The following PI4KB variants were observed in gnomAD, a reference collection of about 807,000 sequenced individuals.
PI4KB encodes PtdIns 4-kinase beta.
Under a neutral mutation model 81.4 loss-of-function variants are expected in PI4KB, and 23 were observed. That is an observed-to-expected ratio of 0.28 (90% CI 0.20 to 0.40). PI4KB has a LOEUF of 0.40. Among genes scored for constraint, PI4KB ranks in the 10% least tolerant of loss-of-function variants. The probability of loss-of-function intolerance (pLI) is 1.00; values close to 1 mark genes in which losing one functional copy is unlikely to be tolerated. For synonymous variants in PI4KB, 381 were observed against 406.8 expected (o/e 0.94, Z 0.76); for missense variants, 651 against 1,036.6 (o/e 0.63, Z 5.11).
At position 151,303,529 on chromosome 1, in the gene PI4KB, A is replaced by T. The variant is rs767419989; in HGVS notation, c.1520+12T>A. ...GGGATGAAAAATGAGGGGCAATGTG[A>T]TCTGGCCATACCGGATGTCCCCTGC... On this transcript the variant is annotated intron_variant, in intron 6 of 11. Coordinates refer to ENST00000368873, the MANE Select transcript of PI4KB (RefSeq NM_001369623.2). The T allele has an allele frequency of 1.3e-6, 2 of 1,526,972 alleles. No homozygotes were observed. The highest frequency in any genetic ancestry group is 9.1e-7 in the Non-Finnish European group (1 of 1,100,562). The allele number at this position is 1,526,972 out of a possible 1,614,324, so 94.6% of individuals were successfully genotyped here.
At chr1:151,296,861 C>T (rs1244876337) in intron 9 of PI4KB, among the ~76,000 whole-genome samples, 3 of 151,880 alleles carry the variant, frequency 2.0e-5, no homozygotes, top group African/African-American at 7.3e-5. Context: ...CTGCAACCTC[C>T]ACCTCCCGGG....
At chr1:151,315,303 GAC>G (rs587691414) in intron 2 of PI4KB, among the ~76,000 whole-genome samples, 247 of 152,270 alleles carry the variant, frequency 1.6e-3, no homozygotes, top group African/African-American at 5.8e-3. Flanking sequence ...AATGATTTGG[GAC>G]ACAGTCAGGA....
intron 2 of PI4KB, among the ~76,000 whole-genome samples, chr1:151,315,169 G>C (rs1450076878): frequency 6.6e-6 from 1 of 151,976 alleles, no homozygotes; most frequent in Non-Finnish European, 1.5e-5. Context: ...AGTAGAGATG[G>C]GATTTTGCCA....
intron 6 of PI4KB, among the ~76,000 whole-genome samples, chr1:151,302,827 C>T (rs1355835478): frequency 6.6e-6 from 1 of 151,524 alleles, no homozygotes. Context: ...TTATGATCTA[C>T]CCGCCTCAGC....
rs1036264331 is a variant in PI4KB at position 151,298,616 on chromosome 1, C to T, written c.2015+192G>A. 1.0e-5 allele frequency: 7 copies of T among 677,968 alleles called. No homozygotes were observed. The African/African-American group carries it at 1.3e-4, about 12-fold the overall frequency. The allele number at this position is 677,968 out of a possible 1,614,324, so 42.0% of individuals were successfully genotyped here. ...CCCATAAATCCTTCATTTCTTTGCCCTTTTACCCTAGTTCTTATTAGTCTG... is the reference window on the plus strand; with the variant it reads ...CCCATAAATCCTTCATTTCTTTGCCTTTTTACCCTAGTTCTTATTAGTCTG... On this transcript the variant is annotated intron_variant, in intron 9 of 11. Transcript: ENST00000368873.
chr1:151,320,943 T>C (rs1648761964), intron 1 of PI4KB, among the ~76,000 whole-genome samples: 1 of 152,222 alleles, frequency 6.6e-6, no homozygotes, highest in Non-Finnish European at 1.5e-5. Context: ...TTCTCCCACA[T>C]AATAGTGTCT....
rs1489271334 is a variant in PI4KB, at chr1:151,298,804, C to T, written c.2015+4G>A. On this transcript the variant is annotated splice_donor_region_variant and intron_variant, in intron 9 of 11. Coordinates refer to ENST00000368873, the MANE Select transcript of PI4KB (RefSeq NM_001369623.2). Reference sequence around the variant, plus strand: ...TGTTAGGATGAGCAGCAGAAGTCACCTACCTGTCCTTGACTTGCAGCAGGT... The same window carrying T: ...TGTTAGGATGAGCAGCAGAAGTCACTTACCTGTCCTTGACTTGCAGCAGGT... 9 of 1,609,384 alleles carry T rather than the reference C, an allele frequency of 5.6e-6. No homozygotes were observed. Among genetic ancestry groups the T allele is most frequent in the Non-Finnish European group, 7.6e-6 (9 of 1,176,566 alleles).
At position 151,299,092 on chromosome 1, in the gene PI4KB, G is replaced by C; in HGVS notation, c.1750-19C>G. ...AAATGGACTGTGAGGAGACATGGAG[G>C]ATACAGGACTCTTATCTTTCTCCAA... On this transcript the variant is annotated intron_variant, in intron 8 of 11. Transcript: ENST00000368873. 1 of 1,607,010 alleles carries C rather than the reference G, an allele frequency of 6.2e-7. No individual in the cohort carries two copies. Among genetic ancestry groups the C allele is most frequent in the South Asian group, 1.1e-5 (1 of 90,944 alleles).
rs753438357 is a variant in PI4KB at position 151,297,190 on chromosome 1, T to C, written c.2015+1618A>G. Among the ~76,000 whole-genome samples, 5 of 152,134 alleles carry C rather than the reference T, an allele frequency of 3.3e-5. No homozygotes were observed. In the South Asian group the frequency reaches 1.0e-3, roughly 32 times the overall value. On this transcript the variant is annotated intron_variant, in intron 9 of 11. Transcript: ENST00000368873. ...CCTTAACCTCCTGCTCAAGTGATCCTCCCACCTCAGCCTCCAAAGTAGCTG... is the reference window on the plus strand; with the variant it reads ...CCTTAACCTCCTGCTCAAGTGATCCCCCCACCTCAGCCTCCAAAGTAGCTG...
intron 5 of PI4KB, among the ~76,000 whole-genome samples, chr1:151,304,652 T>TAAG (rs1235419497): frequency 6.7e-6 from 1 of 149,346 alleles, no homozygotes; most frequent in Non-Finnish European, 1.5e-5. Flanking sequence ...GCCCTGGCTG[T>TAAG]GTTTTTGTTT....
chr1:151,308,586 A>G (rs906800451), intron 3 of PI4KB, among the ~76,000 whole-genome samples: 8 of 152,150 alleles, frequency 5.3e-5, no homozygotes, highest in Non-Finnish European at 1.2e-4. Flanking sequence ...CTCAGTGACT[A>G]GGTTCCTCAT....
intron 9 of PI4KB, among the ~76,000 whole-genome samples, chr1:151,297,279 T>C (rs1694882129): frequency 6.6e-6 from 1 of 151,808 alleles, no homozygotes; most frequent in Admixed American, 6.6e-5. Flanking sequence ...GGGATCTAAC[T>C]ATGTTGCCTA....
chr1:151,316,179 T>C lies in PI4KB; in HGVS notation c.303A>G (p.Glu101=), dbSNP rs745606117. ...AGGCCACAGCGGCCCCCATCTCATC[T>C]TCCTCCTCCCTGATCTGGGCAGGTG... ...DDPPAQIREE[E]DEMGAAVASG... is the part of the protein sequence containing the mutation. The change falls in exon 2 of 12, where the codon GAA becomes GAG. Residue 101 remains glutamate, a synonymous_variant. Transcript: ENST00000368873. 6.2e-7 allele frequency: 1 copy of C among 1,614,054 alleles called. No individual in the cohort carries two copies. Among genetic ancestry groups the C allele is most frequent in the Non-Finnish European group, 8.5e-7 (1 of 1,179,944 alleles).
At chr1:151,312,950 A>T (rs918779967) in intron 2 of PI4KB, among the ~76,000 whole-genome samples, 11 of 152,198 alleles carry the variant, frequency 7.2e-5, no homozygotes, top group Non-Finnish European at 1.0e-4. Flanking sequence ...CCCAGGAGTT[A>T]AAGGCTACAG....
chr1:151,292,919 C>T lies in PI4KB; in HGVS notation c.2384G>A (p.Gly795Asp). The change falls in exon 12 of 12, where the codon GGC becomes GAC. Residue 795 changes from glycine (G) to aspartate (D), a missense_variant. Physicochemically the swap from Gly to Asp is moderately conservative, Grantham distance 94. This residue lies in a region of PI4KB where 70 missense variants were observed against 108.1 expected (regional missense o/e 0.65). Coordinates refer to ENST00000368873, the MANE Select transcript of PI4KB (RefSeq NM_001369623.2). ...LQLLVEQMVD[G>D]SMRSITTKLY... ...TTTGGTGGTGATAGACCGCATACTGCCATCCACCATCTGCTCCACCAGCAG... is the reference window on the plus strand; with the variant it reads ...TTTGGTGGTGATAGACCGCATACTGTCATCCACCATCTGCTCCACCAGCAG... The T allele has an allele frequency of 6.2e-7, 1 of 1,614,146 alleles. No individual in the cohort carries two copies.
Position 151,316,381 on chromosome 1 carries a change from G to A in PI4KB, c.101C>T (p.Thr34Met), listed in dbSNP as rs143664305. 2.7e-5 allele frequency: 44 copies of A among 1,606,956 alleles called. No individual in the cohort carries two copies. Among genetic ancestry groups the A allele is most frequent in the African/African-American group, 2.1e-4 (16 of 74,938 alleles). ...NNGGSLLSVI[T>M]EGVGELSVID... Reference sequence around the variant, plus strand: ...CACTGATAGTTCCCCGACCCCCTCCGTGATGACACTTAGCAGGGACCCCCC... The same window carrying A: ...CACTGATAGTTCCCCGACCCCCTCCATGATGACACTTAGCAGGGACCCCCC... The change falls in exon 2 of 12, where the codon ACG becomes ATG. Residue 34 changes from threonine (T) to methionine (M), a missense_variant. By Grantham distance (81) the Thr-to-Met change is moderately conservative (BLOSUM62 -1). This residue lies in a region of PI4KB where 314 missense variants were observed against 397.8 expected (regional missense o/e 0.79). Coordinates refer to ENST00000368873, the MANE Select transcript of PI4KB (RefSeq NM_001369623.2).
chr1:151,315,649 T>C lies in PI4KB; in HGVS notation c.833A>G (p.Asp278Gly). The C allele has an allele frequency of 6.2e-7, 1 of 1,614,176 alleles. No individual in the cohort carries two copies. Among genetic ancestry groups the C allele is most frequent in the Non-Finnish European group, 8.5e-7 (1 of 1,180,032 alleles). Residue 278 changes from aspartate to glycine, a missense_variant, in exon 2 of 12, where the codon GAT becomes GGT. Physicochemically the swap from Asp to Gly is moderately conservative, Grantham distance 94. Around this residue, in one of 5 missense-constraint regions of PI4KB, gnomAD observed 314 missense variants for 397.8 expected, o/e 0.79. Transcript: ENST00000368873. ...GCTGAGACTTATGCTGGCAGTGGCA[T>C]CTGACTTAGAGCGCTGGTGAGTCCT... is the stretch of plus-strand genomic sequence containing the variant. ...SKRTHQRSKSDATASISLSSN... is the reference protein window; with the variant it reads ...SKRTHQRSKSGATASISLSSN...
rs1172273752 is a variant in PI4KB, at chr1:151,292,905, T to G, written c.2398A>C (p.Ile800Leu). Reference protein sequence around the residue: ...EQMVDGSMRSITTKLYDGFQY... With the variant: ...EQMVDGSMRSLTTKLYDGFQY... ...AAGCCGTCATAGAGTTTGGTGGTGATAGACCGCATACTGCCATCCACCATC... is the reference window on the plus strand; with the variant it reads ...AAGCCGTCATAGAGTTTGGTGGTGAGAGACCGCATACTGCCATCCACCATC... Residue 800 changes from isoleucine (I) to leucine (L), a missense_variant, in exon 12 of 12, where the codon ATC becomes CTC. Around this residue, in one of 5 missense-constraint regions of PI4KB, gnomAD observed 70 missense variants for 108.1 expected, o/e 0.65. Coordinates refer to ENST00000368873, the MANE Select transcript of PI4KB (RefSeq NM_001369623.2). The G allele has an allele frequency of 1.9e-6, 3 of 1,614,142 alleles. No individual in the cohort carries two copies. The highest frequency in any genetic ancestry group is 1.7e-5 in the Admixed American group (1 of 60,012).
At position 151,326,078 on chromosome 1, in the gene PI4KB, C is replaced by A. The variant is rs374175465; in HGVS notation, c.-29+1193G>T. Reference sequence around the variant, plus strand: ...AGTAAACCACAAGAATAAACTGATTCCTCATGGATCTGGACAGGGGTGAGA... The same window carrying A: ...AGTAAACCACAAGAATAAACTGATTACTCATGGATCTGGACAGGGGTGAGA... On this transcript the variant is annotated intron_variant, in intron 1 of 11. Transcript: ENST00000368873. The A allele has an allele frequency of 5.9e-6, 7 of 1,188,536 alleles. No individual in the cohort carries two copies. The African/African-American group carries it at 7.5e-5, about 13-fold the overall frequency. 73.6% of individuals were successfully genotyped at this position (1,188,536 alleles called of 1,614,324 possible).
Sources: gnomAD v4.1 joint callset for allele counts (sites outside exome capture counted in the v4.1 genomes callset) on GRCh38, gnomAD v4.1.1 for gene constraint, gnomAD v4.1.1 regional missense constraint, MANE v1.5 for transcripts, NCBI Gene and HGNC (gene_info 2026-07-23, HGNC 2026-07-21) for gene names.